Variants in ARHGAP24 observed in about 807,000 individuals in gnomAD.
The protein encoded by ARHGAP24 is Rho GTPase activating protein 24, also known as rho GTPase-activating protein 24.
ARHGAP24 carries 50 observed loss-of-function variants against 76.4 expected under a neutral mutation model. The observed-to-expected ratio is 0.65, with a 90% CI of 0.52 to 0.83. ARHGAP24 has a LOEUF of 0.83. Among genes scored for constraint, ARHGAP24 ranks in the 40% least tolerant of loss-of-function variants. ARHGAP24 has a pLI of 0.00. For missense variants in ARHGAP24, 930 were observed against 914.2 expected (o/e 1.02, Z -0.22); for synonymous variants, 345 against 323.3 (o/e 1.07, Z -0.72).
At chr4:85,993,285 C>T (rs1342235270) in intron 8 of ARHGAP24, among the ~76,000 whole-genome samples, 1 of 152,118 alleles carries the variant, frequency 6.6e-6, no homozygotes, top group Non-Finnish European at 1.5e-5. Context: ...GTTTATAATG[C>T]AAAATCTCAT....
intron 2 of ARHGAP24, among the ~76,000 whole-genome samples, chr4:85,663,895 T>C (rs2109994760): frequency 6.6e-6 from 1 of 151,654 alleles, no homozygotes; most frequent in East Asian, 2.0e-4. Flanking sequence ...GATAAGCTTT[T>C]TGATGTGCTG....
At chr4:85,779,574 TA>T (rs1481919175) in intron 3 of ARHGAP24, among the ~76,000 whole-genome samples, 1 of 152,198 alleles carries the variant, frequency 6.6e-6, no homozygotes, top group Non-Finnish European at 1.5e-5. Context: ...CTTTATTCAT[TA>T]TTTTTTAAAA....
At chr4:85,953,308 A>G (rs898267957) in intron 5 of ARHGAP24, among the ~76,000 whole-genome samples, 1 of 152,108 alleles carries the variant, frequency 6.6e-6, no homozygotes, top group Non-Finnish European at 1.5e-5. Flanking sequence ...TTATTTTTCA[A>G]ATTTGTTTTG....
Position 85,836,902 on chromosome 4 carries a change from T to G in ARHGAP24, c.269-86746T>G, listed in dbSNP as rs537705428. Among the ~76,000 whole-genome samples the G allele has an allele frequency of 1.8e-4, 27 of 152,338 alleles. No homozygotes were observed. The South Asian group carries it at 4.8e-3, about 27-fold the overall frequency. ...ATTTTAACCTAGATCCCCAGATGTTTTGTTTGTACATTAAAGTTTCAGAAG... is the reference window on the plus strand; with the variant it reads ...ATTTTAACCTAGATCCCCAGATGTTGTGTTTGTACATTAAAGTTTCAGAAG... On this transcript the variant is annotated intron_variant, in intron 3 of 9. Transcript: ENST00000395184.
intron 2 of ARHGAP24, among the ~76,000 whole-genome samples, chr4:85,692,750 C>G: frequency 6.6e-6 from 1 of 152,188 alleles, no homozygotes; most frequent in African/African-American, 2.4e-5. Flanking sequence ...TGGTTTTCAA[C>G]TTTCTTCTGA....
At chr4:85,551,191 A>G (rs1726121751) in intron 1 of ARHGAP24, among the ~76,000 whole-genome samples, 1 of 152,034 alleles carries the variant, frequency 6.6e-6, no homozygotes, top group Non-Finnish European at 1.5e-5. Context: ...TTATTATTTT[A>G]AAGTATGTTT....
chr4:85,665,198 C>T (rs1722564770), intron 2 of ARHGAP24, among the ~76,000 whole-genome samples: 1 of 152,064 alleles, frequency 6.6e-6, no homozygotes, highest in African/African-American at 2.4e-5. Context: ...CTGAGTGCTC[C>T]TGTATTGGGT....
At chr4:85,905,679 A>G (rs1316287424) in intron 3 of ARHGAP24, among the ~76,000 whole-genome samples, 1 of 152,202 alleles carries the variant, frequency 6.6e-6, no homozygotes, top group Admixed American at 6.5e-5. Context: ...GTTGCACATT[A>G]GTTTATTGTT....
intron 1 of ARHGAP24, among the ~76,000 whole-genome samples, chr4:85,529,871 C>T (rs1004434400): frequency 1.3e-5 from 2 of 151,932 alleles, no homozygotes; most frequent in South Asian, 2.1e-4. Context: ...TCCTTTATTT[C>T]TGTATTCAAC....
chr4:85,699,721 C>A (rs1483908206), intron 2 of ARHGAP24, among the ~76,000 whole-genome samples: 1 of 151,956 alleles, frequency 6.6e-6, no homozygotes. Context: ...ACTGTTTTTT[C>A]TTTTCTGAAC....
chr4:85,665,954 T>A (rs537193977), intron 2 of ARHGAP24, among the ~76,000 whole-genome samples: 81 of 152,354 alleles, frequency 5.3e-4, no homozygotes, highest in Middle Eastern at 3.4e-3. Context: ...TAACATTTTT[T>A]CCTTCATTTC....
chr4:85,616,090 A>T (rs1462418661), intron 2 of ARHGAP24, among the ~76,000 whole-genome samples: 1 of 152,220 alleles, frequency 6.6e-6, no homozygotes, highest in Non-Finnish European at 1.5e-5. Context: ...TAATAAGCAC[A>T]AGCTGCTACC....
At position 85,475,241 on chromosome 4, in the gene ARHGAP24, C is replaced by T. The variant is rs1038535196; in HGVS notation, c.-339C>T. The T allele has an allele frequency of 3.3e-5, 5 of 152,290 alleles. No individual in the cohort carries two copies. Among genetic ancestry groups the T allele is most frequent in the Admixed American group, 1.3e-4 (2 of 15,288 alleles). The allele number at this position is 152,290 out of a possible 1,614,324, so 9.4% of individuals were successfully genotyped here. On this transcript the variant is annotated 5_prime_UTR_variant, in exon 1 of 10. Coordinates refer to ENST00000395184, the MANE Select transcript of ARHGAP24 (RefSeq NM_001025616.3). ...CAGCTCCGGGTGGAAACCAGCAGGG[C>T]TCTGGAGGGGCTCGGAGACCAGGGG...
At chr4:85,969,038 T>C (rs531495658) in intron 5 of ARHGAP24, among the ~76,000 whole-genome samples, 136 of 152,290 alleles carry the variant, frequency 8.9e-4, no homozygotes, top group African/African-American at 3.2e-3. Context: ...CCTTGATTCA[T>C]GGCTCAAATA....
At chr4:85,557,639 G>A (rs1726438452) in intron 1 of ARHGAP24, among the ~76,000 whole-genome samples, 1 of 140,898 alleles carries the variant, frequency 7.1e-6, no homozygotes, top group Admixed American at 7.4e-5. Flanking sequence ...TGGATGTTCC[G>A]GTTGAAGAGC....
At chr4:85,981,954 C>A (rs1739693987) in intron 8 of ARHGAP24, among the ~76,000 whole-genome samples, 1 of 152,134 alleles carries the variant, frequency 6.6e-6, no homozygotes. Context: ...TCAGAGCCCC[C>A]ATTGCTCCTC....
chr4:85,916,824 T>C (rs1735432578), intron 3 of ARHGAP24, among the ~76,000 whole-genome samples: 1 of 152,164 alleles, frequency 6.6e-6, no homozygotes. Context: ...AAAATTTAAA[T>C]GCAAACAAAT....
At chr4:85,925,122 A>G (rs943703347) in intron 4 of ARHGAP24, among the ~76,000 whole-genome samples, 2 of 152,188 alleles carry the variant, frequency 1.3e-5, no homozygotes, top group Non-Finnish European at 2.9e-5. Context: ...CCCTTTATCC[A>G]TGGTTTCAGT....
intron 1 of ARHGAP24, among the ~76,000 whole-genome samples, chr4:85,524,310 T>C (rs1724900304): frequency 6.6e-6 from 1 of 152,164 alleles, no homozygotes; most frequent in Non-Finnish European, 1.5e-5. Flanking sequence ...ACCATATTCT[T>C]AGTATAACTA....
Sources: allele counts gnomAD v4.1 joint callset (sites outside exome capture counted in the v4.1 genomes callset), GRCh38; gene constraint gnomAD v4.1.1; transcripts MANE v1.5; gene names NCBI Gene and HGNC (gene_info 2026-07-23, HGNC 2026-07-21).